The following DPYD variants were observed in gnomAD, a reference collection of about 807,000 sequenced individuals.
DPYD encodes the protein dihydropyrimidine dehydrogenase, also known as dihydropyrimidine dehydrogenase [NADP(+)].
Under a neutral mutation model 116.2 loss-of-function variants are expected in DPYD, and 109 were observed. The ratio of observed to expected loss-of-function variants is 0.94; its 90% CI spans 0.80 to 1.10. The LOEUF (loss-of-function observed/expected upper bound fraction) is 1.10, where lower values mean the gene tolerates loss of function less well. DPYD is among the 50% of genes least tolerant of loss of function. DPYD has a pLI of 0.00. For synonymous variants in DPYD, 440 were observed against 432.0 expected (o/e 1.02, Z -0.23); for missense variants, 1,302 against 1,254.5 (o/e 1.04, Z -0.57).
chr1:97,109,749 T>C (rs1306589396), intron 20 of DPYD, among the ~76,000 whole-genome samples: 2 of 152,124 alleles, frequency 1.3e-5, no homozygotes, highest in Non-Finnish European at 2.9e-5. Context: ...GTTCAGAGCA[T>C]ACTGGAATGA....
intron 18 of DPYD, among the ~76,000 whole-genome samples, chr1:97,276,503 C>T (rs1385205435): frequency 6.6e-6 from 1 of 151,884 alleles, no homozygotes; most frequent in Non-Finnish European, 1.5e-5. Context: ...AAGACATGAA[C>T]AGGCACTTCT....
intron 18 of DPYD, among the ~76,000 whole-genome samples, chr1:97,279,641 C>A (rs1665178419): frequency 6.6e-6 from 1 of 152,152 alleles, no homozygotes; most frequent in Non-Finnish European, 1.5e-5. Context: ...CTCCGAGTAG[C>A]TGGGACAACA....
At chr1:97,840,109 GA>G (rs1232733092) in intron 2 of DPYD, among the ~76,000 whole-genome samples, 1 of 151,834 alleles carries the variant, frequency 6.6e-6, no homozygotes, top group African/African-American at 2.4e-5. Flanking sequence ...AGGATATTAA[GA>G]ATAACCAAAA....
intron 1 of DPYD, among the ~76,000 whole-genome samples, chr1:97,885,744 G>T (rs1672454914): frequency 1.3e-5 from 2 of 152,122 alleles, no homozygotes; most frequent in African/African-American, 4.8e-5. Flanking sequence ...TATGCAAAAA[G>T]AATTGAATTG....
At position 97,593,067 on chromosome 1, in the gene DPYD, C is replaced by G; in HGVS notation, c.1128+151G>C. The G allele has an allele frequency of 4.5e-6, 4 of 894,904 alleles. No homozygotes were observed. The South Asian group carries it at 6.7e-5, about 15-fold the overall frequency. The allele number at this position is 894,904 out of a possible 1,614,324, so 55.4% of individuals were successfully genotyped here. Reference sequence around the variant, plus strand: ...ACAAATTTTCTTTTACTTGGAATGTCTGAATTAGAAAAGAAACAATTATGT... The same window carrying G: ...ACAAATTTTCTTTTACTTGGAATGTGTGAATTAGAAAAGAAACAATTATGT... On this transcript the variant is annotated intron_variant, in intron 10 of 22. Transcript: ENST00000370192.
At chr1:97,396,816 C>T (rs1230707705) in intron 14 of DPYD, among the ~76,000 whole-genome samples, 1 of 152,006 alleles carries the variant, frequency 6.6e-6, no homozygotes, top group Non-Finnish European at 1.5e-5. Flanking sequence ...CTGTACAGCT[C>T]CTACCTACTT....
chr1:97,604,014 G>T (rs1655421954), intron 8 of DPYD, among the ~76,000 whole-genome samples: 1 of 152,098 alleles, frequency 6.6e-6, no homozygotes, highest in Admixed American at 6.6e-5. Flanking sequence ...GGCCTTCAGA[G>T]CTCTGCAAAG....
chr1:97,246,585 T>G (rs1224741127), intron 18 of DPYD, among the ~76,000 whole-genome samples: 2 of 152,130 alleles, frequency 1.3e-5, no homozygotes, highest in Non-Finnish European at 2.9e-5. Context: ...ACAAATCATA[T>G]TTATAAAACA....
chr1:97,769,032 T>A lies in DPYD; in HGVS notation c.234-28553A>T, dbSNP rs568668153. 2.6e-5 allele frequency among the ~76,000 whole-genome samples: 4 copies of A among 152,176 alleles called. 1 individual carries two copies. The South Asian group carries it at 8.3e-4, about 32-fold the overall frequency. On this transcript the variant is annotated intron_variant, in intron 3 of 22. Coordinates refer to ENST00000370192, the MANE Select transcript of DPYD (RefSeq NM_000110.4). ...TGAAAATTTCATTTGGTTTTCCATA[T>A]GAGATTACAAAAAGAAAGGCATTTA...
chr1:97,622,328 C>A (rs1184346849), intron 8 of DPYD, among the ~76,000 whole-genome samples: 1 of 151,906 alleles, frequency 6.6e-6, no homozygotes, highest in Non-Finnish European at 1.5e-5. Flanking sequence ...CCCAAAAACC[C>A]ATAACCCCAG....
At chr1:97,402,279 T>C (rs1040273737) in intron 14 of DPYD, among the ~76,000 whole-genome samples, 1 of 152,118 alleles carries the variant, frequency 6.6e-6, no homozygotes, top group South Asian at 2.1e-4. Context: ...ATTTATTTAG[T>C]TCTTGTTTGA....
intron 14 of DPYD, among the ~76,000 whole-genome samples, chr1:97,393,818 C>G (rs149216568): frequency 0.036 from 5,452 of 152,082 alleles, 146 homozygotes; most frequent in East Asian, 0.069. Context: ...GTAATGGGAT[C>G]ACTGGGTCAA....
chr1:97,524,516 A>G (rs1029443813), intron 12 of DPYD, among the ~76,000 whole-genome samples: 4 of 152,214 alleles, frequency 2.6e-5, no homozygotes, highest in African/African-American at 9.6e-5. Context: ...GAAAAGGCCT[A>G]TTCAAAAATC....
chr1:97,738,797 G>A (rs1395596972), intron 4 of DPYD, among the ~76,000 whole-genome samples: 4 of 151,354 alleles, frequency 2.6e-5, no homozygotes, highest in Admixed American at 6.6e-5. Flanking sequence ...TAAGCACAAC[G>A]TTCCATTAGG....
At chr1:97,221,247 G>T (rs920650402) in intron 19 of DPYD, among the ~76,000 whole-genome samples, 1 of 152,104 alleles carries the variant, frequency 6.6e-6, no homozygotes, top group Non-Finnish European at 1.5e-5. Flanking sequence ...TTATTATTTT[G>T]AATTCCTCTT....
chr1:97,386,394 G>C (rs1322512233), intron 14 of DPYD, among the ~76,000 whole-genome samples: 1 of 151,554 alleles, frequency 6.6e-6, no homozygotes, highest in Non-Finnish European at 1.5e-5. Context: ...TACTACACTG[G>C]GAAAAAATAA....
chr1:97,650,379 C>A (rs1470752373), intron 8 of DPYD, among the ~76,000 whole-genome samples: 1 of 152,068 alleles, frequency 6.6e-6, no homozygotes, highest in Non-Finnish European at 1.5e-5. Context: ...TTCAATCATT[C>A]AACAAAACAT....
intron 20 of DPYD, among the ~76,000 whole-genome samples, chr1:97,117,394 A>G (rs911749333): frequency 6.6e-6 from 1 of 152,230 alleles, no homozygotes; most frequent in African/African-American, 2.4e-5. Flanking sequence ...ATGCTAAAGC[A>G]AAGCTTTTTT....
intron 2 of DPYD, among the ~76,000 whole-genome samples, chr1:97,874,889 CA>C (rs1341880215): frequency 6.6e-6 from 1 of 151,876 alleles, no homozygotes; most frequent in East Asian, 1.9e-4. Flanking sequence ...CTAACAACAA[CA>C]AAAAACTGCT....
Sources: gnomAD v4.1 joint callset for allele counts (sites outside exome capture counted in the v4.1 genomes callset) on GRCh38, gnomAD v4.1.1 for gene constraint, MANE v1.5 for transcripts, NCBI Gene and HGNC (gene_info 2026-07-23, HGNC 2026-07-21) for gene names.